BCL9: variants seen among roughly 807,000 people sequenced by gnomAD.
The protein encoded by BCL9 is B-cell CLL/lymphoma 9 protein.
Under a neutral mutation model 88.5 loss-of-function variants are expected in BCL9, and 25 were observed. That is an observed-to-expected ratio of 0.28 (90% confidence interval 0.21 to 0.39). The LOEUF (loss-of-function observed/expected upper bound fraction) is 0.39, where lower values mean the gene tolerates loss of function less well. BCL9 is among the 10% of genes least tolerant of loss of function. The pLI is 1.00. For synonymous variants in BCL9, 711 were observed against 673.3 expected (o/e 1.06, Z -0.87); for missense variants, 1,817 against 1,877.8 (o/e 0.97, Z 0.60).
At chr1:147,603,506 T>G (rs1427664820) in intron 1 of BCL9, among the ~76,000 whole-genome samples, 2 of 151,010 alleles carry the variant, frequency 1.3e-5, no homozygotes, top group Non-Finnish European at 3.0e-5. Context: ...TTTTGTTTTG[T>G]TTTTTTTTAA....
chr1:147,548,910 C>A (rs1654743917), intron 1 of BCL9, among the ~76,000 whole-genome samples: 1 of 150,932 alleles, frequency 6.6e-6, no homozygotes, highest in Non-Finnish European at 1.5e-5. Context: ...TCTCCTGTTG[C>A]AAAGAATAAA....
chr1:147,555,630 A>G (rs1655072685), intron 1 of BCL9, among the ~76,000 whole-genome samples: 1 of 152,218 alleles, frequency 6.6e-6, no homozygotes, highest in Non-Finnish European at 1.5e-5. Context: ...CCATCTTTGG[A>G]GTCGAAGGCT....
intron 2 of BCL9, among the ~76,000 whole-genome samples, chr1:147,605,301 A>G (rs1657633301): frequency 6.6e-6 from 1 of 152,186 alleles, no homozygotes; most frequent in Non-Finnish European, 1.5e-5. Context: ...GAGAGGAGGA[A>G]TGACAGTGCC....
In BCL9 at chr1:147,562,011, G is replaced by C. The variant is rs587608908; in HGVS notation, c.-478+20337G>C. On this transcript the variant is annotated intron_variant, in intron 1 of 9. Transcript: ENST00000234739. ...TAGGATAAATGTAGGCAAATGTGGA[G>C]AGGATAGAGAAGAGCAGTTCAAGAT... Among the ~76,000 whole-genome samples the C allele has an allele frequency of 5.1e-4, 78 of 152,348 alleles. No individual in the cohort carries two copies. The South Asian group carries it at 0.015, about 29-fold the overall frequency.
chr1:147,614,124 G>A (rs940281853), intron 5 of BCL9, among the ~76,000 whole-genome samples: 4 of 152,124 alleles, frequency 2.6e-5, no homozygotes, highest in Non-Finnish European at 5.9e-5. Context: ...AGAAGTTAGA[G>A]GGCTGTGAGA....
intron 1 of BCL9, among the ~76,000 whole-genome samples, chr1:147,596,626 G>A (rs2101581364): frequency 6.6e-6 from 1 of 152,058 alleles, no homozygotes; most frequent in South Asian, 2.1e-4. Context: ...TGTTAGCCAG[G>A]ATGGTCTCAA....
intron 1 of BCL9, among the ~76,000 whole-genome samples, chr1:147,545,954 A>T (rs1416078168): frequency 2.6e-5 from 4 of 152,202 alleles, no homozygotes; most frequent in Non-Finnish European, 5.9e-5. Context: ...TCTCCTTGTT[A>T]GGCCATCTCT....
At chr1:147,587,572 C>T (rs1656671706) in intron 1 of BCL9, among the ~76,000 whole-genome samples, 1 of 152,092 alleles carries the variant, frequency 6.6e-6, no homozygotes, top group South Asian at 2.1e-4. Flanking sequence ...GGTCAATAAA[C>T]GTTTGTTTAA....
intron 7 of BCL9, 92 bp downstream of exon 7, chr1:147,615,994 T>C: frequency 1.6e-6 from 2 of 1,246,512 alleles, no homozygotes; most frequent in Non-Finnish European, 2.3e-6. Flanking sequence ...AGGAAGGTAG[T>C]CTTGATGGCA....
chr1:147,562,772 C>T (rs782456328), intron 1 of BCL9, among the ~76,000 whole-genome samples: 4 of 152,076 alleles, frequency 2.6e-5, no homozygotes, highest in South Asian at 2.1e-4. Flanking sequence ...GGAGTGTGGA[C>T]GGGGGGTGGC....
At position 147,625,306 on chromosome 1, in the gene BCL9, T is replaced by G. The variant is rs781894563; in HGVS notation, c.*347T>G. On this transcript the variant is annotated 3_prime_UTR_variant, in exon 10 of 10. Coordinates refer to ENST00000234739, the MANE Select transcript of BCL9 (RefSeq NM_004326.4). Reference sequence around the variant, plus strand: ...CTCTGTATGTTTACGTCCTTTGGACTGGCTTCTCCCAGGATTCTTTTCTGT... The same window carrying G: ...CTCTGTATGTTTACGTCCTTTGGACGGGCTTCTCCCAGGATTCTTTTCTGT... 4.3e-5 allele frequency: 12 copies of G among 282,028 alleles called. No homozygotes were observed. The highest frequency in any genetic ancestry group is 8.6e-5 in the African/African-American group (4 of 46,378). 17.5% of individuals were successfully genotyped at this position (282,028 alleles called of 1,614,324 possible). A position where few individuals can be genotyped will look rare whatever the true frequency, so the allele number is the denominator to read the frequency against.
At chr1:147,623,250 C>T (rs75167072) in intron 9 of BCL9, among the ~76,000 whole-genome samples, 1,309 of 77,172 alleles carry the variant, frequency 0.017, 14 homozygotes, top group Non-Finnish European at 0.025. Context: ...CTGCCACACT[C>T]GGTGGTAATT....
intron 1 of BCL9, among the ~76,000 whole-genome samples, chr1:147,544,836 TTC>T (rs149290166): frequency 1.7e-4 from 25 of 150,558 alleles, no homozygotes; most frequent in Non-Finnish European, 2.1e-4. Flanking sequence ...AGAATGTTTT[TTC>T]TCTCTCTCTC....
At chr1:147,597,157 T>C (rs1433474830) in intron 1 of BCL9, among the ~76,000 whole-genome samples, 1 of 152,246 alleles carries the variant, frequency 6.6e-6, no homozygotes, top group African/African-American at 2.4e-5. Flanking sequence ...CTTAGCATTC[T>C]GTAAGACAGA....
chr1:147,556,223 A>G (rs974523388), intron 1 of BCL9, among the ~76,000 whole-genome samples: 1 of 151,636 alleles, frequency 6.6e-6, no homozygotes, highest in Non-Finnish European at 1.5e-5. Context: ...GGTTCAAGCA[A>G]TTCTCCTGCC....
intron 1 of BCL9, among the ~76,000 whole-genome samples, chr1:147,546,728 G>T (rs1553194281): frequency 6.6e-6 from 1 of 152,160 alleles, no homozygotes; most frequent in African/African-American, 2.4e-5. Context: ...GGATATATAG[G>T]ATTCATTCCT....
intron 1 of BCL9, among the ~76,000 whole-genome samples, chr1:147,584,004 G>A (rs1656488193): frequency 6.6e-6 from 1 of 151,796 alleles, no homozygotes; most frequent in Non-Finnish European, 1.5e-5. Context: ...CTGTCCCCAA[G>A]TTCAGATAAA....
intron 1 of BCL9, among the ~76,000 whole-genome samples, chr1:147,561,801 G>A (rs1252589520): frequency 3.9e-5 from 6 of 152,166 alleles, no homozygotes; most frequent in African/African-American, 1.4e-4. Context: ...CCTATGGGAG[G>A]TTCACATCTA....
At chr1:147,602,892 C>T (rs1657474864) in intron 1 of BCL9, among the ~76,000 whole-genome samples, 1 of 152,140 alleles carries the variant, frequency 6.6e-6, no homozygotes, top group African/African-American at 2.4e-5. Flanking sequence ...TAGTTAGAGC[C>T]TTGGATGTAG....
Sources: gnomAD v4.1 joint callset for allele counts (sites outside exome capture counted in the v4.1 genomes callset) on GRCh38, gnomAD v4.1.1 for gene constraint, MANE v1.5 for transcripts, NCBI Gene and HGNC (gene_info 2026-07-23, HGNC 2026-07-21) for gene names.